NELL1: variants seen among roughly 807,000 people sequenced by gnomAD.
The protein encoded by NELL1 is neural EGFL like 1, also known as protein kinase C-binding protein NELL1.
A neutral mutation model predicts 107.4 loss-of-function variants in NELL1; 76 were observed. The ratio of observed to expected loss-of-function variants is 0.71; its 90% CI spans 0.59 to 0.86. The LOEUF is 0.86. NELL1 is among the 40% of genes least tolerant of loss of function. NELL1 has a pLI of 0.00. For synonymous variants in NELL1, 353 were observed against 341.2 expected, an observed-to-expected ratio of 1.03 and a Z score of -0.38; for missense variants, 1,024 against 1,005.5, an observed-to-expected ratio of 1.02 and a Z score of -0.25.
At chr11:21,055,981 C>T (rs1386353661) in intron 12 of NELL1, among the ~76,000 whole-genome samples, 2 of 152,084 alleles carry the variant, frequency 1.3e-5, no homozygotes, top group African/African-American at 4.8e-5. Context: ...AATGTATTAC[C>T]AACTGCTAAC....
intron 2 of NELL1, among the ~76,000 whole-genome samples, chr11:20,768,931 T>C (rs1388801350): frequency 6.6e-6 from 1 of 152,168 alleles, no homozygotes; most frequent in Non-Finnish European, 1.5e-5. Flanking sequence ...GTTGCAGTAA[T>C]TTGTCACAAC....
At chr11:20,717,612 GT>G (rs2133904104) in intron 2 of NELL1, among the ~76,000 whole-genome samples, 1 of 152,140 alleles carries the variant, frequency 6.6e-6, no homozygotes, top group Non-Finnish European at 1.5e-5. Context: ...CAGCTTGTTT[GT>G]TTTTCTGTAT....
At chr11:20,781,894 AAG>A (rs1554919621) in intron 2 of NELL1, among the ~76,000 whole-genome samples, 4 of 149,782 alleles carry the variant, frequency 2.7e-5, no homozygotes, top group African/African-American at 9.8e-5. Flanking sequence ...AAAAAAAAAA[AAG>A]GCGGGCATGG....
intron 15 of NELL1, among the ~76,000 whole-genome samples, chr11:21,378,716 C>CT (rs1851540161): frequency 2.5e-5 from 3 of 119,236 alleles, no homozygotes; most frequent in African/African-American, 9.8e-5. Context: ...CACACTTGTA[C>CT]ATTTTTTTTT....
chr11:21,428,931 C>T (rs1205451135), intron 15 of NELL1, among the ~76,000 whole-genome samples: 11 of 152,152 alleles, frequency 7.2e-5, no homozygotes. Flanking sequence ...GTGCAGGATC[C>T]ATTTAGCATT....
chr11:21,109,106 C>T lies in NELL1; in HGVS notation c.1301-4483C>T, dbSNP rs187422220. On this transcript the variant is annotated intron_variant, in intron 12 of 19. Coordinates refer to ENST00000357134, the MANE Select transcript of NELL1 (RefSeq NM_006157.5). ...GCAAGTGAAGTCACCTGATAACCTC[C>T]GAGCCTCAGTTTCGTGGCATGGAGA... Among the ~76,000 whole-genome samples, 16 of 152,090 alleles carry T rather than the reference C, an allele frequency of 1.1e-4. No homozygotes were observed. In the East Asian group the frequency reaches 2.7e-3, roughly 26 times the overall value.
intron 2 of NELL1, among the ~76,000 whole-genome samples, chr11:20,767,953 C>T (rs1004912709): frequency 1.3e-5 from 2 of 151,976 alleles, no homozygotes; most frequent in Non-Finnish European, 2.9e-5. Flanking sequence ...AAGAGCTATA[C>T]TGGAGAGAGA....
chr11:21,457,981 G>A (rs1057219260), intron 15 of NELL1, among the ~76,000 whole-genome samples: 5 of 151,446 alleles, frequency 3.3e-5, no homozygotes, highest in South Asian at 2.1e-4. Flanking sequence ...GATAAGTGGC[G>A]AGGTAAAAGA....
intron 14 of NELL1, among the ~76,000 whole-genome samples, chr11:21,315,890 AGTGTGT>A (rs10535605): frequency 6.0e-4 from 89 of 149,538 alleles, no homozygotes; most frequent in African/African-American, 1.5e-3. Context: ...TGGTGGTGTG[AGTGTGT>A]GTGTGTGTGT....
At chr11:21,065,253 A>C (rs988289542) in intron 12 of NELL1, among the ~76,000 whole-genome samples, 2 of 152,082 alleles carry the variant, frequency 1.3e-5, no homozygotes, top group Non-Finnish European at 2.9e-5. Flanking sequence ...GGTTTTCACT[A>C]GCTTCATAAA....
chr11:21,394,583 T>A (rs896530609), intron 15 of NELL1, among the ~76,000 whole-genome samples: 3 of 151,366 alleles, frequency 2.0e-5, no homozygotes, highest in African/African-American at 7.3e-5. Flanking sequence ...GAACAGAATT[T>A]GTTGTCTACA....
intron 10 of NELL1, among the ~76,000 whole-genome samples, chr11:20,946,166 TG>T (rs1210030289): frequency 6.6e-6 from 1 of 152,192 alleles, no homozygotes; most frequent in Non-Finnish European, 1.5e-5. Flanking sequence ...GTGGAACCAC[TG>T]GGATGACGGT....
chr11:21,432,039 G>A lies in NELL1; in HGVS notation c.1645+61091G>A, dbSNP rs374535543. Among the ~76,000 whole-genome samples, 14 of 152,190 alleles carry A rather than the reference G, an allele frequency of 9.2e-5. No individual in the cohort carries two copies. The East Asian group carries it at 2.1e-3, about 23-fold the overall frequency. ...TGTATGAATGAATAAGATCTTATAT[G>A]AGGCAATTATAACAGTGTATAGCAT... On this transcript the variant is annotated intron_variant, in intron 15 of 19. Transcript: ENST00000357134.
intron 15 of NELL1, among the ~76,000 whole-genome samples, chr11:21,441,226 G>A (rs2133845844): frequency 6.6e-6 from 1 of 151,652 alleles, no homozygotes; most frequent in African/African-American, 2.4e-5. Context: ...TGTCCTCCTT[G>A]TTTTGCCTTT....
In NELL1 at chr11:20,937,774, G is replaced by A. The variant is rs1454824607; in HGVS notation, c.998-12G>A. The stretch of plus-strand genomic sequence containing the variant: ...GCAGGACTGTCTGACCCATTTTTAT[G>A]TTTTATTACAGCAAAATGTATCTAT... On this transcript the variant is annotated splice_polypyrimidine_tract_variant and intron_variant, in intron 9 of 19. Coordinates refer to ENST00000357134, the MANE Select transcript of NELL1 (RefSeq NM_006157.5). The A allele has an allele frequency of 1.2e-6, 2 of 1,612,874 alleles. No individual in the cohort carries two copies. Among genetic ancestry groups the A allele is most frequent in the Admixed American group, 1.7e-5 (1 of 60,004 alleles).
At chr11:21,142,961 C>T (rs1855899939) in intron 13 of NELL1, among the ~76,000 whole-genome samples, 1 of 152,200 alleles carries the variant, frequency 6.6e-6, no homozygotes, top group Non-Finnish European at 1.5e-5. Flanking sequence ...GTAGCTCCTC[C>T]TTCTATGTCC....
rs1441712708 is a variant in NELL1 at position 20,719,471 on chromosome 11, G to T, written c.184+41411G>T. 2.6e-5 allele frequency among the ~76,000 whole-genome samples: 4 copies of T among 152,030 alleles called. 1 individual carries two copies. In the East Asian group the frequency reaches 7.7e-4, roughly 29 times the overall value. On this transcript the variant is annotated intron_variant, in intron 2 of 19. Transcript: ENST00000357134. Reference sequence around the variant, plus strand: ...ACACACATAGTTTTGGAAAAAGGAAGAATGGAGGATACACAATAGTTACTT... The same window carrying T: ...ACACACATAGTTTTGGAAAAAGGAATAATGGAGGATACACAATAGTTACTT...
chr11:20,903,748 A>G (rs1356430973), intron 5 of NELL1, among the ~76,000 whole-genome samples: 1 of 152,170 alleles, frequency 6.6e-6, no homozygotes, highest in African/African-American at 2.4e-5. Context: ...ATGTTAGAGT[A>G]GAAAACCTGA....
chr11:20,913,860 G>T (rs1473392287), intron 5 of NELL1, among the ~76,000 whole-genome samples: 1 of 146,370 alleles, frequency 6.8e-6, no homozygotes, highest in Non-Finnish European at 1.5e-5. Context: ...GGGGGGATGG[G>T]GGGAAGAATA....
Sources: allele counts gnomAD v4.1 joint callset (sites outside exome capture counted in the v4.1 genomes callset), GRCh38; gene constraint gnomAD v4.1.1; transcripts MANE v1.5; gene names NCBI Gene and HGNC (gene_info 2026-07-23, HGNC 2026-07-21).